Variants in RPS6KC1 observed in about 807,000 individuals in gnomAD.
RPS6KC1 encodes ribosomal protein S6 kinase C1, also known as inactive ribosomal protein S6 kinase delta-1.
A neutral mutation model predicts 103.8 loss-of-function variants in RPS6KC1; 54 were observed. The ratio of observed to expected loss-of-function variants is 0.52; its 90% CI spans 0.42 to 0.65. RPS6KC1 has a LOEUF of 0.65. Among genes scored for constraint, RPS6KC1 ranks in the 30% least tolerant of loss-of-function variants. The pLI is 0.00. For missense variants in RPS6KC1, 1,151 were observed against 1,253.8 expected (o/e 0.92, Z 1.24); for synonymous variants, 439 against 438.7 (o/e 1.00, Z -0.01).
intron 12 of RPS6KC1, among the ~76,000 whole-genome samples, chr1:213,253,152 G>A (rs1387352846): frequency 1.3e-5 from 2 of 152,064 alleles, no homozygotes; most frequent in African/African-American, 2.4e-5. Context: ...TGTATCTTGG[G>A]GAGAGAAGAT....
At chr1:213,460,859 G>T in the RPS6KC1 span, among the ~76,000 whole-genome samples, 1 of 152,032 alleles carries the variant, frequency 6.6e-6, no homozygotes, top group South Asian at 2.1e-4. Context: ...GCTTAGTTTG[G>T]CTGGATATGA....
At chr1:213,698,217 T>C in the RPS6KC1 span, among the ~76,000 whole-genome samples, 1 of 152,244 alleles carries the variant, frequency 6.6e-6, no homozygotes, top group African/African-American at 2.4e-5. Flanking sequence ...GTCTCAATTA[T>C]ATTGGTAAAC....
rs2094345020 is a variant in RPS6KC1, at chr1:213,241,256, A to G, written c.1780A>G (p.Lys594Glu). ...PRTSDSLSRS[K>E]NSPMEFFRID... ...AACATCAGATTCCCTCAGTAGATCA[A>G]AAAATAGCCCCATGGAATTCTTTAG... is the stretch of plus-strand genomic sequence containing the variant. Residue 594 changes from lysine (K) to glutamate (E), a missense_variant, in exon 11 of 15, where the codon AAA becomes GAA. Coordinates refer to ENST00000366960, the MANE Select transcript of RPS6KC1 (RefSeq NM_012424.6). 6.2e-7 allele frequency: 1 copy of G among 1,613,962 alleles called. No homozygotes were observed. The highest frequency in any genetic ancestry group is 1.3e-5 in the African/African-American group (1 of 75,062).
chr1:213,402,958 C>CAAAAAAAAAAAAAAAAAAAAAAA, the RPS6KC1 span, among the ~76,000 whole-genome samples: 1 of 111,516 alleles, frequency 9.0e-6, no homozygotes, highest in Non-Finnish European at 1.8e-5. Context: ...ACTAAAAATA[C>CAAAAAAAAAAAAAAAAAAAAAAA]AAAAAAAAAA....
chr1:213,202,237 G>A lies in RPS6KC1; in HGVS notation c.1044+25745G>A, dbSNP rs561382395. 2.6e-4 allele frequency among the ~76,000 whole-genome samples: 39 copies of A among 152,130 alleles called. No individual in the cohort carries two copies. In the South Asian group the frequency reaches 8.1e-3, roughly 32 times the overall value. ...TTCCTTCTCAACTTACTGTATTACA[G>A]TATCATTATTCATTAAACTTCCTTT... On this transcript the variant is annotated intron_variant, in intron 8 of 14. Coordinates refer to ENST00000366960, the MANE Select transcript of RPS6KC1 (RefSeq NM_012424.6).
the RPS6KC1 span, among the ~76,000 whole-genome samples, chr1:213,602,025 TTTCTCTTTCTCTTTC>T: frequency 3.3e-5 from 1 of 29,944 alleles, no homozygotes; most frequent in Admixed American, 3.6e-4. Flanking sequence ...TCTTTCTTTC[TTTCTCTTTCTCTTTC>T]TTTCTTTCTT....
chr1:213,720,504 A>T, the RPS6KC1 span, among the ~76,000 whole-genome samples: 1 of 152,240 alleles, frequency 6.6e-6, no homozygotes, highest in Non-Finnish European at 1.5e-5. Context: ...CAGCGATAAA[A>T]ATCAAAATGC....
Position 213,152,140 on chromosome 1 carries a change from C to T in RPS6KC1, c.836-15718C>T, listed in dbSNP as rs534360465. 4.4e-3 allele frequency among the ~76,000 whole-genome samples: 578 copies of T among 130,444 alleles called. 2 individuals carry two copies. The highest frequency in any genetic ancestry group is 7.9e-3 in the Admixed American group (108 of 13,664). 85.6% of individuals were successfully genotyped at this position (130,444 alleles called of 152,430 possible). A position where few individuals can be genotyped will look rare whatever the true frequency, so the allele number is the denominator to read the frequency against. ...CCCAGTAGGGGCGGCCGGGCAGAGGCGCCCCTCACCTCCTGGACGGGGCAG... is the reference window on the plus strand; with the variant it reads ...CCCAGTAGGGGCGGCCGGGCAGAGGTGCCCCTCACCTCCTGGACGGGGCAG... On this transcript the variant is annotated intron_variant, in intron 6 of 14. Transcript: ENST00000366960.
the RPS6KC1 span, among the ~76,000 whole-genome samples, chr1:213,392,700 A>C: frequency 6.6e-6 from 1 of 152,208 alleles, no homozygotes; most frequent in African/African-American, 2.4e-5. Flanking sequence ...TAAATGCTTG[A>C]CTATGTGAGT....
chr1:213,200,248 C>T (rs1248263540), intron 8 of RPS6KC1, among the ~76,000 whole-genome samples: 1 of 152,056 alleles, frequency 6.6e-6, no homozygotes, highest in Non-Finnish European at 1.5e-5. Flanking sequence ...TACAAGGCTA[C>T]AGTAACCAAA....
chr1:213,233,122 A>G (rs1415892887), intron 10 of RPS6KC1, among the ~76,000 whole-genome samples: 1 of 152,174 alleles, frequency 6.6e-6, no homozygotes, highest in Non-Finnish European at 1.5e-5. Context: ...ATGAGGTCTC[A>G]TGATAATGAA....
At chr1:213,743,740 G>A in the RPS6KC1 span, among the ~76,000 whole-genome samples, 1 of 152,198 alleles carries the variant, frequency 6.6e-6, no homozygotes, top group African/African-American at 2.4e-5. Flanking sequence ...ATGCCGCTGG[G>A]AGAGGTGCTG....
chr1:213,804,189 A>AAC, the RPS6KC1 span, among the ~76,000 whole-genome samples: 534 of 150,262 alleles, frequency 3.6e-3, 2 homozygotes, highest in African/African-American at 0.012. Flanking sequence ...AAAAAAAAAA[A>AAC]AAAAAAAAAC....
chr1:213,601,997 TTTTC>T, the RPS6KC1 span, among the ~76,000 whole-genome samples: 1 of 11,526 alleles, frequency 8.7e-5, no homozygotes, highest in Non-Finnish European at 2.1e-4. Context: ...TCTTTCTTTC[TTTTC>T]TTTTCTTTTC....
At chr1:213,312,973 C>T in the RPS6KC1 span, among the ~76,000 whole-genome samples, 4 of 152,108 alleles carry the variant, frequency 2.6e-5, no homozygotes, top group African/African-American at 9.7e-5. Flanking sequence ...CCACATAGAC[C>T]CTTAACTGCT....
chr1:213,306,786 A>G, the RPS6KC1 span, among the ~76,000 whole-genome samples: 1 of 152,212 alleles, frequency 6.6e-6, no homozygotes, highest in Non-Finnish European at 1.5e-5. Flanking sequence ...CAAAGAGTAC[A>G]AAGCACTTAG....
the RPS6KC1 span, among the ~76,000 whole-genome samples, chr1:213,823,748 A>ACACACACACAC: frequency 8.6e-5 from 13 of 151,882 alleles, no homozygotes; most frequent in South Asian, 2.1e-3. Flanking sequence ...ACACACACAC[A>ACACACACACAC]CACACCACAC....
the RPS6KC1 span, among the ~76,000 whole-genome samples, chr1:213,798,443 G>T: frequency 6.6e-6 from 1 of 152,188 alleles, no homozygotes; most frequent in Non-Finnish European, 1.5e-5. Flanking sequence ...GCAGAGGTGT[G>T]CTCTACCACA....
At chr1:213,227,855 A>G (rs2093995580) in intron 8 of RPS6KC1, among the ~76,000 whole-genome samples, 1 of 152,092 alleles carries the variant, frequency 6.6e-6, no homozygotes, top group Non-Finnish European at 1.5e-5. Flanking sequence ...TCTGTTTTTG[A>G]AATGGATTCA....
Sources: gnomAD v4.1 joint callset for allele counts (sites outside exome capture counted in the v4.1 genomes callset) on GRCh38, gnomAD v4.1.1 for gene constraint, MANE v1.5 for transcripts, NCBI Gene and HGNC (gene_info 2026-07-23, HGNC 2026-07-21) for gene names.